The following MYL3 variants were observed in gnomAD, a reference collection of about 807,000 sequenced individuals.
The protein encoded by MYL3 is CMLC1.
A neutral mutation model predicts 21.3 loss-of-function variants in MYL3; 11 were observed. That is an observed-to-expected ratio of 0.52 (90% CI 0.32 to 0.85). The LOEUF is 0.85. MYL3 is among the 40% of genes least tolerant of loss of function. MYL3 has a pLI of 0.03. For missense variants in MYL3, 206 were observed against 253.3 expected (o/e 0.81, Z 1.27); for synonymous variants, 88 against 91.6 (o/e 0.96, Z 0.22).
intron 1 of MYL3, among the ~76,000 whole-genome samples, chr3:46,877,178 C>T (rs1057082790): frequency 1.3e-5 from 2 of 152,036 alleles, no homozygotes; most frequent in African/African-American, 2.4e-5. Context: ...GGTCAGGACA[C>T]GGGCTGGAGT....
rs1214303933 is a variant in MYL3 at position 46,879,722 on chromosome 3, G to A, written c.-218+2352C>T. Reference sequence around the variant, plus strand: ...TGACCGTGCCACTGCACTCCAGCCTGGGTGACACAGCAAGACCCTGTCTGG... The same window carrying A: ...TGACCGTGCCACTGCACTCCAGCCTAGGTGACACAGCAAGACCCTGTCTGG... On this transcript the variant is annotated intron_variant, in intron 1 of 3. Transcript: ENST00000431168. The surrounding 1 kb of genome is among the most constrained non-coding windows in gnomAD (Gnocchi z 4.7). Among the ~76,000 whole-genome samples the A allele has an allele frequency of 6.6e-6, 1 of 152,048 alleles. No homozygotes were observed. The highest frequency in any genetic ancestry group is 2.4e-5 in the African/African-American group (1 of 41,366).
upstream of MYL3, among the ~76,000 whole-genome samples, chr3:46,864,047 C>A (rs1258119031): frequency 6.6e-6 from 1 of 151,536 alleles, no homozygotes; most frequent in Admixed American, 6.6e-5. This position sits in a 1 kb window ranked among gnomAD's most constrained non-coding sequence, Gnocchi z 4.7. Flanking sequence ...TGTGTATTGT[C>A]TGGGTGCCTC....
intron 1 of MYL3, among the ~76,000 whole-genome samples, chr3:46,873,437 TTCC>T (rs1264502442): frequency 6.6e-6 from 1 of 152,162 alleles, no homozygotes; most frequent in Non-Finnish European, 1.5e-5. Flanking sequence ...GAACACATTG[TTCC>T]TCCTCCTCCT....
At chr3:46,858,191 C>T in intron 6 of MYL3, 40 bp downstream of exon 6, 2 of 1,606,610 alleles carry the variant, frequency 1.2e-6, no homozygotes, top group Non-Finnish European at 8.5e-7. Context: ...GGAGTGTGGG[C>T]AGGTGGCAGC....
chr3:46,863,383 G>A lies in MYL3; in HGVS notation c.8C>T (p.Pro3Leu), dbSNP rs536404643. MA[P>L]KKPEPKKDDA... ...ATCCTTCTTGGGCTCTGGCTTTTTGGGGGCCATTGGGGGCTGTAAGTACAG... is the reference window on the plus strand; with the variant it reads ...ATCCTTCTTGGGCTCTGGCTTTTTGAGGGCCATTGGGGGCTGTAAGTACAG... The change falls in exon 1 of 7, where the codon CCC becomes CTC. Residue 3 changes from proline to leucine, a missense_variant. Coordinates refer to ENST00000292327, the MANE Select transcript of MYL3 (RefSeq NM_000258.3). The A allele has an allele frequency of 6.2e-7, 1 of 1,613,224 alleles. No homozygotes were observed. Among genetic ancestry groups the A allele is most frequent in the Non-Finnish European group, 8.5e-7 (1 of 1,179,960 alleles).
At chr3:46,865,629 ACCCAACGTTGG>A (rs1702041722), upstream of MYL3, among the ~76,000 whole-genome samples, 9 of 152,184 alleles carry the variant, frequency 5.9e-5, no homozygotes, top group South Asian at 1.9e-3. The surrounding 1 kb of genome is among the most constrained non-coding windows in gnomAD (Gnocchi z 4.3). Context: ...CTTGGAAACC[ACCCAACGTTGG>A]CCCAAATGGG....
At position 46,874,689 on chromosome 3, in the gene MYL3, T is replaced by C. The variant is rs1181579341; in HGVS notation, c.-218+7385A>G. Among the ~76,000 whole-genome samples, 1 of 152,102 alleles carries C rather than the reference T, an allele frequency of 6.6e-6. No individual in the cohort carries two copies. The highest frequency in any genetic ancestry group is 2.4e-5 in the African/African-American group (1 of 41,398). ...CCATGCAGGGAGAGGCGGAAACACGTGTCAAACACGCCTGGGAGGGGGTAT... is the reference window on the plus strand; with the variant it reads ...CCATGCAGGGAGAGGCGGAAACACGCGTCAAACACGCCTGGGAGGGGGTAT... On this transcript the variant is annotated intron_variant, in intron 1 of 3. Transcript: ENST00000431168. This position sits in a 1 kb window ranked among gnomAD's most constrained non-coding sequence, Gnocchi z 4.1.
rs1295609451 is a variant in MYL3, at chr3:46,860,477, G to C, written c.307+199C>G. Among the ~76,000 whole-genome samples the C allele has an allele frequency of 6.6e-6, 1 of 152,212 alleles. No homozygotes were observed. The highest frequency in any genetic ancestry group is 1.9e-4 in the East Asian group (1 of 5,196). On this transcript the variant is annotated intron_variant, in intron 3 of 6. Coordinates refer to ENST00000292327, the MANE Select transcript of MYL3 (RefSeq NM_000258.3). The surrounding 1 kb of genome is among the most constrained non-coding windows in gnomAD (Gnocchi z 4.6). The stretch of plus-strand genomic sequence containing the variant: ...TACCACCAGGGGGCCTGGCAAATCA[G>C]CATGGATCCAGATGCTCCAGCAAAC...
chr3:46,867,163 C>T (rs1184907535), upstream of MYL3, among the ~76,000 whole-genome samples: 1 of 151,980 alleles, frequency 6.6e-6, no homozygotes, highest in African/African-American at 2.4e-5. Context: ...ACTCCAAGAC[C>T]CAGGATGGTA....
upstream of MYL3, among the ~76,000 whole-genome samples, chr3:46,865,220 C>T (rs1431290761): frequency 1.3e-5 from 2 of 152,148 alleles, no homozygotes; most frequent in African/African-American, 2.4e-5. The surrounding 1 kb of genome is among the most constrained non-coding windows in gnomAD (Gnocchi z 4.3). Context: ...CGTTCTGCCT[C>T]TCATCTGGAG....
intron 1 of MYL3, among the ~76,000 whole-genome samples, chr3:46,872,475 C>T (rs1029914024): frequency 2.8e-5 from 4 of 143,760 alleles, no homozygotes; most frequent in African/African-American, 1.0e-4. Context: ...AACCAGCATG[C>T]TCGTGGCCCC....
At chr3:46,870,495 G>T (rs1702098989) in intron 1 of MYL3, among the ~76,000 whole-genome samples, 1 of 151,986 alleles carries the variant, frequency 6.6e-6, no homozygotes, top group African/African-American at 2.4e-5. Context: ...TACACCCAGG[G>T]CTCTCCCCAC....
chr3:46,859,174 C>T lies in MYL3; in HGVS notation c.481+301G>A, dbSNP rs997995922. On this transcript the variant is annotated intron_variant, in intron 4 of 6. Transcript: ENST00000292327. The surrounding 1 kb of genome is among the most constrained non-coding windows in gnomAD (Gnocchi z 4.1). ...TAGGGCTGTGGCCCTGGAATTTGAC[C>T]TTGGAGTAATGACCACCAGGACGGT... 6.6e-6 allele frequency among the ~76,000 whole-genome samples: 1 copy of T among 152,088 alleles called. No individual in the cohort carries two copies. The highest frequency in any genetic ancestry group is 1.5e-5 in the Non-Finnish European group (1 of 68,000).
At chr3:46,872,363 C>A (rs1263094433) in intron 1 of MYL3, among the ~76,000 whole-genome samples, 1 of 152,188 alleles carries the variant, frequency 6.6e-6, no homozygotes, top group Non-Finnish European at 1.5e-5. Context: ...GAGGCCCTGC[C>A]TTCGGGAGTC....
At position 46,858,935 on chromosome 3, in the gene MYL3, A is replaced by G. The variant is rs1701961495; in HGVS notation, c.482-474T>C. On this transcript the variant is annotated intron_variant, in intron 4 of 6. Coordinates refer to ENST00000292327, the MANE Select transcript of MYL3 (RefSeq NM_000258.3). The stretch of plus-strand genomic sequence containing the variant: ...GCTCCCCCTTCTTACCCCCACCTTT[A>G]GACACACATGCACACACAGAGAGAG... Among the ~76,000 whole-genome samples, 4 of 152,044 alleles carry G rather than the reference A, an allele frequency of 2.6e-5. No individual in the cohort carries two copies. In the South Asian group the frequency reaches 8.3e-4, roughly 32 times the overall value.
At position 46,880,537 on chromosome 3, in the gene MYL3, C is replaced by T. The variant is rs1268537960; in HGVS notation, c.-218+1537G>A. On this transcript the variant is annotated intron_variant, in intron 1 of 3. Coordinates refer to the MYL3 transcript ENST00000431168. ...GGTGGATCACTTGAGGTCAGGGGTTCGTGACCAGCCTGGTCAACATGGTGA... is the reference window on the plus strand; with the variant it reads ...GGTGGATCACTTGAGGTCAGGGGTTTGTGACCAGCCTGGTCAACATGGTGA... Among the ~76,000 whole-genome samples, 5 of 152,004 alleles carry T rather than the reference C, an allele frequency of 3.3e-5. No homozygotes were observed. In the South Asian group the frequency reaches 6.2e-4, roughly 19 times the overall value.
At chr3:46,863,604 G>A, upstream of MYL3, 3 of 558,470 alleles carry the variant, frequency 5.4e-6, no homozygotes, top group Non-Finnish European at 9.6e-6. Flanking sequence ...TCAGGAATGG[G>A]TAGTGGAGGA....
intron 1 of MYL3, among the ~76,000 whole-genome samples, chr3:46,872,795 T>C (rs1437699233): frequency 6.6e-6 from 1 of 152,254 alleles, no homozygotes; most frequent in African/African-American, 2.4e-5. Flanking sequence ...TCTGAGAAGA[T>C]GCCGTCAGGC....
chr3:46,880,964 C>T (rs1288391439), intron 1 of MYL3: 1 of 152,150 alleles, frequency 6.6e-6, no homozygotes, highest in Admixed American at 6.5e-5. Flanking sequence ...TCTTGAGAGC[C>T]CCTGGAGCCC....
Sources: allele counts gnomAD v4.1 joint callset (sites outside exome capture counted in the v4.1 genomes callset), GRCh38; gene constraint gnomAD v4.1.1; non-coding constraint Gnocchi (gnomAD v3.1); transcripts MANE v1.5; gene names NCBI Gene and HGNC (gene_info 2026-07-23, HGNC 2026-07-21).